FHIT: variants seen among roughly 807,000 people sequenced by gnomAD.
The protein encoded by FHIT is fragile histidine triad diadenosine triphosphatase.
A neutral mutation model predicts 17.9 loss-of-function variants in FHIT; 19 were observed. The ratio of observed to expected loss-of-function variants is 1.06; its 90% CI spans 0.74 to 1.56. The LOEUF is 1.56. Among genes scored for constraint, FHIT ranks in the 40% most tolerant of loss-of-function variants. FHIT has a pLI of 0.00. For missense variants in FHIT, 248 were observed against 189.2 expected, an observed-to-expected ratio of 1.31 and a Z score of -1.82; for synonymous variants, 81 against 69.7, an observed-to-expected ratio of 1.16 and a Z score of -0.81.
chr3:60,180,128 T>C (rs1331875706), intron 5 of FHIT, among the ~76,000 whole-genome samples: 1 of 152,132 alleles, frequency 6.6e-6, no homozygotes, highest in Non-Finnish European at 1.5e-5. Context: ...CCAAAACAGC[T>C]TATACAAAGA....
chr3:60,052,649 G>C (rs9812704), intron 5 of FHIT, among the ~76,000 whole-genome samples: 12,981 of 151,560 alleles, frequency 0.086, 680 homozygotes, highest in South Asian at 0.16. Flanking sequence ...CAAACCACCT[G>C]ATCTTTTACA....
At chr3:60,691,691 C>A (rs1265848180) in intron 4 of FHIT, among the ~76,000 whole-genome samples, 1 of 152,164 alleles carries the variant, frequency 6.6e-6, no homozygotes, top group African/African-American at 2.4e-5. Flanking sequence ...ATAGTGATTT[C>A]TTTTCAGCTT....
At chr3:60,133,140 G>A (rs1380364467) in intron 5 of FHIT, among the ~76,000 whole-genome samples, 2 of 152,038 alleles carry the variant, frequency 1.3e-5, no homozygotes, top group Admixed American at 1.3e-4. Flanking sequence ...CATCTTTCAC[G>A]GCTCTTAAAA....
intron 5 of FHIT, among the ~76,000 whole-genome samples, chr3:60,523,237 T>C (rs1050202490): frequency 6.6e-5 from 10 of 152,214 alleles, no homozygotes; most frequent in Admixed American, 5.9e-4. Context: ...CTAGCAAGTA[T>C]ATAAATATTT....
chr3:60,054,056 TA>T (rs1701987872), intron 5 of FHIT, among the ~76,000 whole-genome samples: 1 of 152,180 alleles, frequency 6.6e-6, no homozygotes, highest in Admixed American at 6.5e-5. Context: ...ACAAATTTAA[TA>T]ATTTTGCTCA....
chr3:60,784,904 C>A (rs1553726474), intron 4 of FHIT, among the ~76,000 whole-genome samples: 1 of 152,160 alleles, frequency 6.6e-6, no homozygotes, highest in Non-Finnish European at 1.5e-5. Flanking sequence ...CCTCTATTAA[C>A]CAGAAAATGG....
chr3:60,123,735 C>T (rs1705363650), intron 5 of FHIT, among the ~76,000 whole-genome samples: 1 of 151,450 alleles, frequency 6.6e-6, no homozygotes, highest in Non-Finnish European at 1.5e-5. Flanking sequence ...TGAGAGAACG[C>T]CAGTGCCCAC....
chr3:61,141,308 A>G (rs2037074109), intron 2 of FHIT, among the ~76,000 whole-genome samples: 1 of 152,124 alleles, frequency 6.6e-6, no homozygotes. Flanking sequence ...GTGGTGCTTT[A>G]TCCAAGTAGA....
chr3:60,961,177 C>T (rs988768196), intron 3 of FHIT, among the ~76,000 whole-genome samples: 13 of 152,144 alleles, frequency 8.5e-5, no homozygotes, highest in Non-Finnish European at 1.0e-4. Flanking sequence ...ATTTCTCTGA[C>T]GGCCAGTGAT....
chr3:60,284,375 C>G (rs1457874628), intron 5 of FHIT, among the ~76,000 whole-genome samples: 1 of 152,072 alleles, frequency 6.6e-6, no homozygotes, highest in Non-Finnish European at 1.5e-5. Flanking sequence ...CAGTTCCAAA[C>G]ATAGTATGTG....
chr3:60,649,399 C>A (rs1553687655), intron 4 of FHIT, among the ~76,000 whole-genome samples: 1 of 152,068 alleles, frequency 6.6e-6, no homozygotes. Flanking sequence ...GAGAGTCCAT[C>A]TCAAAAAAAC....
At chr3:60,531,553 C>CA (rs1204664112) in intron 5 of FHIT, among the ~76,000 whole-genome samples, 1 of 152,168 alleles carries the variant, frequency 6.6e-6, no homozygotes, top group Non-Finnish European at 1.5e-5. Flanking sequence ...GCTGGGATTA[C>CA]AGGCGTGAGC....
intron 4 of FHIT, among the ~76,000 whole-genome samples, chr3:60,734,565 C>T (rs1396369683): frequency 4.6e-5 from 7 of 152,164 alleles, no homozygotes; most frequent in Non-Finnish European, 8.8e-5. Flanking sequence ...ACCGGCATCC[C>T]GCCATGTTAC....
At chr3:60,079,334 T>C (rs1044882967) in intron 5 of FHIT, among the ~76,000 whole-genome samples, 1 of 152,144 alleles carries the variant, frequency 6.6e-6, no homozygotes, top group African/African-American at 2.4e-5. Context: ...AAAATGTGTT[T>C]CTACACAATT....
intron 7 of FHIT, among the ~76,000 whole-genome samples, chr3:59,973,941 G>T (rs564237450): frequency 6.6e-6 from 1 of 151,738 alleles, no homozygotes; most frequent in African/African-American, 2.4e-5. Context: ...CACAGGGGTA[G>T]TGTGGCATCT....
chr3:60,510,185 C>T (rs1211768781), intron 5 of FHIT, among the ~76,000 whole-genome samples: 2 of 152,166 alleles, frequency 1.3e-5, no homozygotes, highest in Admixed American at 6.5e-5. Context: ...AACCCAATGC[C>T]TGAGCTGGCC....
rs139336094 is a variant in FHIT, at chr3:60,288,566, A to AGTGTGTGTGTGTGTGTGT, written c.103+248276_103+248293dup. ...CATTCTGTTTTCTAGGTTCTGGCAC[A>AGTGTGTGTGTGTGTGTGT]GTGTGTGTGTGTGTGTGTGTGTGTG... On this transcript the variant is annotated intron_variant, in intron 5 of 9. Coordinates refer to ENST00000492590, the MANE Select transcript of FHIT (RefSeq NM_002012.4). Among the ~76,000 whole-genome samples, 188 of 144,656 alleles carry AGTGTGTGTGTGTGTGTGT rather than the reference A, an allele frequency of 1.3e-3. 1 individual carries two copies. The highest frequency in any genetic ancestry group is 0.011 in the Middle Eastern group (3 of 282). The allele number at this position is 144,656 out of a possible 152,430, so 94.9% of individuals were successfully genotyped here.
At chr3:60,354,572 G>C (rs910044951) in intron 5 of FHIT, among the ~76,000 whole-genome samples, 2 of 152,076 alleles carry the variant, frequency 1.3e-5, no homozygotes, top group African/African-American at 4.8e-5. Context: ...CTAATAATAA[G>C]TCCGTGTTAA....
intron 5 of FHIT, among the ~76,000 whole-genome samples, chr3:60,385,672 C>G (rs1243654242): frequency 1.3e-5 from 2 of 152,140 alleles, no homozygotes; most frequent in Non-Finnish European, 2.9e-5. Flanking sequence ...CTTGATCTCC[C>G]AGGCTCAAAG....
Sources: gnomAD v4.1 joint callset for allele counts (sites outside exome capture counted in the v4.1 genomes callset) on GRCh38, gnomAD v4.1.1 for gene constraint, MANE v1.5 for transcripts, NCBI Gene and HGNC (gene_info 2026-07-23, HGNC 2026-07-21) for gene names.